WASF3: variants seen among roughly 807,000 people sequenced by gnomAD.
WASF3 encodes the protein actin-binding protein WASF3.
Under a neutral mutation model 46.6 loss-of-function variants are expected in WASF3, and 11 were observed. That is an observed-to-expected ratio of 0.24 (90% confidence interval 0.15 to 0.39). The LOEUF is 0.39. Among genes scored for constraint, WASF3 ranks in the 10% least tolerant of loss-of-function variants. WASF3 has a pLI of 1.00. For missense variants in WASF3, 576 were observed against 669.8 expected (o/e 0.86, Z 1.55); for synonymous variants, 242 against 259.7 (o/e 0.93, Z 0.65).
At chr13:26,580,188 C>G (rs543315456) in intron 1 of WASF3, among the ~76,000 whole-genome samples, 1 of 152,186 alleles carries the variant, frequency 6.6e-6, no homozygotes, top group East Asian at 1.9e-4. Flanking sequence ...TAAGACAATT[C>G]TTACTGTGCA....
At position 26,574,716 on chromosome 13, in the gene WASF3, G is replaced by C. The variant is rs532577614; in HGVS notation, c.-109+16897G>C. On this transcript the variant is annotated intron_variant, in intron 1 of 9. Coordinates refer to ENST00000335327, the MANE Select transcript of WASF3 (RefSeq NM_006646.6). ...GTCTGTATTTTGGTATATTTACTCT[G>C]TTCATTTATTGTTTGATGTGTTTTT... 9.9e-5 allele frequency among the ~76,000 whole-genome samples: 15 copies of C among 151,936 alleles called. No homozygotes were observed. The South Asian group carries it at 2.9e-3, about 30-fold the overall frequency.
At chr13:26,636,808 C>A (rs952781382) in intron 2 of WASF3, among the ~76,000 whole-genome samples, 1 of 152,202 alleles carries the variant, frequency 6.6e-6, no homozygotes, top group Non-Finnish European at 1.5e-5. Flanking sequence ...GTCTGTAGAC[C>A]AGAGCCATAT....
At chr13:26,621,676 A>C (rs975351880) in intron 2 of WASF3, among the ~76,000 whole-genome samples, 1 of 152,124 alleles carries the variant, frequency 6.6e-6, no homozygotes, top group East Asian at 1.9e-4. Context: ...AGGTTGATTG[A>C]ATTTTATGTG....
the WASF3 span, among the ~76,000 whole-genome samples, chr13:26,547,393 AACACACACACACACAC>A: frequency 7.6e-6 from 1 of 131,258 alleles, no homozygotes; most frequent in African/African-American, 2.9e-5. Context: ...CTACCCCATC[AACACACACACACACAC>A]ACACACACAC....
upstream of WASF3, among the ~76,000 whole-genome samples, chr13:26,555,060 T>A (rs1879068168): frequency 6.6e-6 from 1 of 152,228 alleles, no homozygotes; most frequent in African/African-American, 2.4e-5. Context: ...CTTAGGTTTT[T>A]TGTTGTTGTT....
chr13:26,578,105 C>T (rs903599066), intron 1 of WASF3, among the ~76,000 whole-genome samples: 4 of 152,274 alleles, frequency 2.6e-5, no homozygotes, highest in East Asian at 3.9e-4. Flanking sequence ...GATACTTTCT[C>T]CTCCTTTCCC....
chr13:26,680,535 C>A (rs1883195335), intron 7 of WASF3, among the ~76,000 whole-genome samples: 1 of 152,178 alleles, frequency 6.6e-6, no homozygotes, highest in South Asian at 2.1e-4. Flanking sequence ...TTGCTTTCTG[C>A]CCTTTTTGTT....
Position 26,619,618 on chromosome 13 carries a change from TA to T in WASF3, c.-11+6561del, listed in dbSNP as rs1234707919. ...ATCAAAAATACAAAACAGAGTAAGA[TA>T]GGGGGTCTGAAGCTTATGCATGCAA... On this transcript the variant is annotated intron_variant, in intron 2 of 9. Transcript: ENST00000335327. The T allele has an allele frequency of 3.3e-5, 5 of 152,034 alleles. No homozygotes were observed. The East Asian group carries it at 7.7e-4, about 23-fold the overall frequency. 9.4% of individuals were successfully genotyped at this position (152,034 alleles called of 1,614,324 possible).
chr13:26,634,626 G>A (rs931641988), intron 2 of WASF3, among the ~76,000 whole-genome samples: 4 of 152,142 alleles, frequency 2.6e-5, no homozygotes, highest in African/African-American at 9.7e-5. Flanking sequence ...GGCTGGTACC[G>A]GTTGTTCCTT....
At chr13:26,565,841 CTT>C (rs780083288) in intron 1 of WASF3, among the ~76,000 whole-genome samples, 71 of 152,162 alleles carry the variant, frequency 4.7e-4, no homozygotes, top group Non-Finnish European at 7.9e-4. Context: ...TAATTGAAAT[CTT>C]TATAGCGTCT....
chr13:26,661,058 A>G (rs1332465402), intron 3 of WASF3, among the ~76,000 whole-genome samples: 3 of 152,250 alleles, frequency 2.0e-5, no homozygotes, highest in Non-Finnish European at 4.4e-5. Context: ...GGAGGGCATT[A>G]GTCTATTCAC....
At position 26,672,002 on chromosome 13, in the gene WASF3, A is replaced by C; in HGVS notation, c.540+13A>C. Reference sequence around the variant, plus strand: ...AAGGCGTCAAAAGGTAAATAATTTCAGTATGGGAAATGTGCATATCAGTGT... The same window carrying C: ...AAGGCGTCAAAAGGTAAATAATTTCCGTATGGGAAATGTGCATATCAGTGT... On this transcript the variant is annotated intron_variant, in intron 6 of 9. Transcript: ENST00000335327. The C allele has an allele frequency of 6.5e-7, 1 of 1,546,318 alleles. No individual in the cohort carries two copies. Among genetic ancestry groups the C allele is most frequent in the Non-Finnish European group, 8.9e-7 (1 of 1,123,768 alleles).
At position 26,658,798 on chromosome 13, in the gene WASF3, C is replaced by CT. The variant is rs372070924; in HGVS notation, c.134-6228dup. The stretch of plus-strand genomic sequence containing the variant: ...TGACGAGTCCTGTGATCCAGGTCAG[C>CT]TTAGGGCATTGTGGAGCACAGAGGG... On this transcript the variant is annotated intron_variant, in intron 3 of 9. Coordinates refer to ENST00000335327, the MANE Select transcript of WASF3 (RefSeq NM_006646.6). Among the ~76,000 whole-genome samples the CT allele has an allele frequency of 5.8e-3, 884 of 152,324 alleles. 3 individuals carry two copies. The highest frequency in any genetic ancestry group is 0.01 in the Non-Finnish European group (703 of 68,026).
At chr13:26,550,175 T>C in the WASF3 span, among the ~76,000 whole-genome samples, 966 of 152,246 alleles carry the variant, frequency 6.3e-3, 15 homozygotes, top group African/African-American at 0.022. Context: ...ATGAACAAAC[T>C]GGGGGAGGGT....
At chr13:26,633,204 T>TTTTTTTTTC (rs1029373549) in intron 2 of WASF3, among the ~76,000 whole-genome samples, 1 of 133,782 alleles carries the variant, frequency 7.5e-6, no homozygotes, top group African/African-American at 2.8e-5. Flanking sequence ...TTATTTCTTT[T>TTTTTTTTTC]TTTTTTTTTT....
At chr13:26,567,709 T>A (rs9512268) in intron 1 of WASF3, among the ~76,000 whole-genome samples, 2,339 of 150,206 alleles carry the variant, frequency 0.016, 24 homozygotes, top group Middle Eastern at 0.031. Flanking sequence ...AAAAAAAAAA[T>A]ATATATATAT....
Position 26,685,917 on chromosome 13 carries a change from G to T in WASF3, c.*72G>T. The T allele has an allele frequency of 1.3e-6, 2 of 1,565,514 alleles. No homozygotes were observed. Among genetic ancestry groups the T allele is most frequent in the Non-Finnish European group, 8.7e-7 (1 of 1,147,716 alleles). ...TAAGTGGTCTCTACACCCAAATAGTGGTATTCTAATCCCGTAGCATAGCAC... is the reference window on the plus strand; with the variant it reads ...TAAGTGGTCTCTACACCCAAATAGTTGTATTCTAATCCCGTAGCATAGCAC... On this transcript the variant is annotated 3_prime_UTR_variant, in exon 10 of 10. Coordinates refer to ENST00000335327, the MANE Select transcript of WASF3 (RefSeq NM_006646.6).
chr13:26,634,241 A>G (rs1881746049), intron 2 of WASF3, among the ~76,000 whole-genome samples: 2 of 152,172 alleles, frequency 1.3e-5, no homozygotes, highest in Admixed American at 6.5e-5. Context: ...CCATTATGTA[A>G]TGGCCTTCTT....
At chr13:26,545,085 T>G in the WASF3 span, among the ~76,000 whole-genome samples, 1 of 152,210 alleles carries the variant, frequency 6.6e-6, no homozygotes, top group Non-Finnish European at 1.5e-5. Flanking sequence ...CATCGTGTTG[T>G]TCTTTGCCCC....
Sources: allele counts gnomAD v4.1 joint callset (sites outside exome capture counted in the v4.1 genomes callset), GRCh38; gene constraint gnomAD v4.1.1; transcripts MANE v1.5; gene names NCBI Gene and HGNC (gene_info 2026-07-23, HGNC 2026-07-21).